Variants in GPC6 observed in about 807,000 individuals in gnomAD.
GPC6 encodes the protein glypican 6.
A neutral mutation model predicts 55.2 loss-of-function variants in GPC6; 14 were observed. That is an observed-to-expected ratio of 0.25 (90% CI 0.17 to 0.40). The LOEUF is 0.40. GPC6 is among the 10% of genes least tolerant of loss of function. The probability of loss-of-function intolerance (pLI) is 1.00; values close to 1 mark genes in which losing one functional copy is unlikely to be tolerated. For synonymous variants in GPC6, 278 were observed against 259.6 expected (o/e 1.07, Z -0.68); for missense variants, 641 against 708.5 (o/e 0.90, Z 1.08).
intron 2 of GPC6, among the ~76,000 whole-genome samples, chr13:93,700,343 C>T (rs371421827): frequency 6.6e-6 from 1 of 152,038 alleles, no homozygotes; most frequent in East Asian, 1.9e-4. Context: ...GACTTCAAAG[C>T]AGAGTCAGTG....
At chr13:93,266,152 A>C (rs1877317457) in intron 1 of GPC6, among the ~76,000 whole-genome samples, 1 of 152,234 alleles carries the variant, frequency 6.6e-6, no homozygotes, top group Non-Finnish European at 1.5e-5. Context: ...ATAAGCAGGA[A>C]AAAGTAGTAA....
intron 2 of GPC6, among the ~76,000 whole-genome samples, chr13:93,736,558 A>G (rs1250188106): frequency 6.6e-6 from 1 of 152,200 alleles, no homozygotes; most frequent in Non-Finnish European, 1.5e-5. Flanking sequence ...CATAATAACT[A>G]CAAATTTCCA....
At chr13:93,277,600 C>G (rs1877801435) in intron 1 of GPC6, among the ~76,000 whole-genome samples, 1 of 152,118 alleles carries the variant, frequency 6.6e-6, no homozygotes, top group Admixed American at 6.6e-5. Context: ...TCAGAGATTT[C>G]TAGAGACTGA....
intron 2 of GPC6, among the ~76,000 whole-genome samples, chr13:93,612,227 C>T (rs1312063644): frequency 6.6e-6 from 1 of 152,086 alleles, no homozygotes; most frequent in Non-Finnish European, 1.5e-5. Flanking sequence ...AGGCTGGGCG[C>T]GGTGGCTCAC....
intron 4 of GPC6, among the ~76,000 whole-genome samples, chr13:94,253,663 A>G (rs1202000917): frequency 2.6e-5 from 4 of 152,070 alleles, no homozygotes; most frequent in Non-Finnish European, 4.4e-5. Flanking sequence ...TTTCTTATGT[A>G]TCTGGAGAGT....
At chr13:93,582,785 T>C (rs1876997694) in intron 2 of GPC6, among the ~76,000 whole-genome samples, 1 of 152,186 alleles carries the variant, frequency 6.6e-6, no homozygotes. Context: ...TCTATGACTG[T>C]CAGGCAGGTG....
chr13:94,336,346 T>G (rs1207810996), intron 6 of GPC6, among the ~76,000 whole-genome samples: 1 of 152,182 alleles, frequency 6.6e-6, no homozygotes, highest in Non-Finnish European at 1.5e-5. Flanking sequence ...TGTTCTTTGA[T>G]TCTGTCAAAC....
At chr13:93,603,109 A>G (rs1878093202) in intron 2 of GPC6, among the ~76,000 whole-genome samples, 1 of 152,074 alleles carries the variant, frequency 6.6e-6, no homozygotes, top group African/African-American at 2.4e-5. Flanking sequence ...TCCTGGGCTC[A>G]AGCAATCTTC....
intron 4 of GPC6, among the ~76,000 whole-genome samples, chr13:94,060,336 C>G (rs1465316411): frequency 6.6e-6 from 1 of 152,112 alleles, no homozygotes; most frequent in Non-Finnish European, 1.5e-5. Context: ...AATATAAGCT[C>G]CATGAGTGGG....
At chr13:93,592,027 A>T (rs1877514037) in intron 2 of GPC6, among the ~76,000 whole-genome samples, 1 of 152,202 alleles carries the variant, frequency 6.6e-6, no homozygotes, top group Non-Finnish European at 1.5e-5. Flanking sequence ...ATATTTTTAA[A>T]GGATTTTACA....
chr13:93,891,014 A>G (rs1875650827), intron 3 of GPC6, among the ~76,000 whole-genome samples: 1 of 152,156 alleles, frequency 6.6e-6, no homozygotes, highest in Non-Finnish European at 1.5e-5. Flanking sequence ...GAGGAGAAAC[A>G]ACTAAAATAT....
intron 1 of GPC6, among the ~76,000 whole-genome samples, chr13:93,430,830 G>A (rs1482431769): frequency 1.6e-4 from 25 of 152,088 alleles, no homozygotes; most frequent in Admixed American, 1.6e-3. Flanking sequence ...TGAAATTAAG[G>A]AAGAAATAGT....
chr13:94,375,322 AAGAG>A (rs1168459887), intron 6 of GPC6, among the ~76,000 whole-genome samples: 3 of 152,198 alleles, frequency 2.0e-5, no homozygotes, highest in African/African-American at 2.4e-5. Flanking sequence ...TAAAGAAAAA[AAGAG>A]AGAAGAATCA....
intron 2 of GPC6, among the ~76,000 whole-genome samples, chr13:93,638,739 A>G (rs1004342223): frequency 6.6e-6 from 1 of 152,184 alleles, no homozygotes; most frequent in Non-Finnish European, 1.5e-5. Context: ...AAAACGAATA[A>G]TCACAAGTTA....
At chr13:93,920,785 G>A (rs1467501048) in intron 3 of GPC6, among the ~76,000 whole-genome samples, 1 of 152,072 alleles carries the variant, frequency 6.6e-6, no homozygotes, top group Non-Finnish European at 1.5e-5. Context: ...TTCTGTCCAG[G>A]GCTACCTATA....
chr13:94,309,643 A>G (rs1020268584), intron 6 of GPC6, among the ~76,000 whole-genome samples: 2 of 151,868 alleles, frequency 1.3e-5, no homozygotes, highest in African/African-American at 4.8e-5. Flanking sequence ...ACTACCCTAA[A>G]GTGGTTTGTG....
chr13:94,017,787 T>C (rs1271898416), intron 3 of GPC6, among the ~76,000 whole-genome samples: 1 of 152,002 alleles, frequency 6.6e-6, no homozygotes, highest in East Asian at 1.9e-4. Context: ...CAAGCAATTA[T>C]CTGTCTCAGC....
At chr13:93,219,736 A>C in the GPC6 span, among the ~76,000 whole-genome samples, 1 of 152,192 alleles carries the variant, frequency 6.6e-6, no homozygotes. Context: ...TCAATTATTA[A>C]AAGTAATGTC....
intron 4 of GPC6, among the ~76,000 whole-genome samples, chr13:94,156,920 G>A (rs1411336431): frequency 6.6e-6 from 1 of 152,100 alleles, no homozygotes; most frequent in East Asian, 1.9e-4. Context: ...TCCTCAGATT[G>A]GCGAGGTTTC....
Sources: allele counts gnomAD v4.1 joint callset (sites outside exome capture counted in the v4.1 genomes callset), GRCh38; gene constraint gnomAD v4.1.1; transcripts MANE v1.5; gene names NCBI Gene and HGNC (gene_info 2026-07-23, HGNC 2026-07-21).